Variants in CLCN4 observed in about 807,000 individuals in gnomAD.
CLCN4 encodes the protein H(+)/Cl(-) exchange transporter 4.
A neutral mutation model predicts 41.7 loss-of-function variants in CLCN4; 1 was observed. That is an observed-to-expected ratio of 0.02 (90% CI 0.01 to 0.11). The LOEUF (loss-of-function observed/expected upper bound fraction) is 0.11, where lower values mean the gene tolerates loss of function less well. Among genes scored for constraint, CLCN4 ranks in the 10% least tolerant of loss-of-function variants. The pLI, the probability that CLCN4 is intolerant of heterozygous loss-of-function variation, is 1.00. For missense variants in CLCN4, 287 were observed against 661.0 expected, an observed-to-expected ratio of 0.43 and a Z score of 6.20; for synonymous variants, 277 against 285.8, an observed-to-expected ratio of 0.97 and a Z score of 0.31.
intron 4 of CLCN4, among the ~76,000 whole-genome samples, chrX:10,193,660 G>A (rs978471561): frequency 8.9e-6 from 1 of 112,250 alleles, no homozygotes; most frequent in Non-Finnish European, 1.9e-5. Context: ...AATATTTTCA[G>A]GTTTGTGGCC....
intron 2 of CLCN4, among the ~76,000 whole-genome samples, chrX:10,179,643 A>C (rs1923622076): frequency 9.0e-6 from 1 of 111,591 alleles, no homozygotes; most frequent in Non-Finnish European, 1.9e-5. Flanking sequence ...TATCAGTTAC[A>C]GAAAGCAGAG....
intron 12 of CLCN4, among the ~76,000 whole-genome samples, chrX:10,229,469 T>C (rs1436529372): frequency 9.1e-6 from 1 of 109,634 alleles, no homozygotes; most frequent in Non-Finnish European, 1.9e-5. Flanking sequence ...TATGTATACA[T>C]GTGCCATGTT....
Position 10,208,524 on chromosome X carries a change from C to T in CLCN4, c.1323C>T (p.Ala441=), listed in dbSNP as rs1924455725. 2 of 1,209,209 alleles carry T rather than the reference C, an allele frequency of 1.7e-6. No homozygotes were observed. Among genetic ancestry groups the T allele is most frequent in the African/African-American group, 1.8e-5 (1 of 56,976 alleles). ...DRPAGVGVYT[A]MWQLALALIF... is the part of the protein sequence containing the mutation. The stretch of plus-strand genomic sequence containing the variant: ...CGGCTGGTGTCGGTGTTTACACGGC[C>T]ATGTGGCAGCTGGCCCTGGCACTGA... Residue 441 remains alanine (A), a synonymous_variant, in exon 9 of 13, where the codon GCC becomes GCT. Coordinates refer to ENST00000380833, the MANE Select transcript of CLCN4 (RefSeq NM_001830.4).
intron 12 of CLCN4, among the ~76,000 whole-genome samples, chrX:10,226,751 A>G (rs907160247): frequency 6.3e-5 from 7 of 111,746 alleles, no homozygotes; most frequent in African/African-American, 2.0e-4. Flanking sequence ...ACAAACAACC[A>G]TCAGAGAATA....
chrX:10,180,398 G>A (rs898561359), intron 2 of CLCN4, among the ~76,000 whole-genome samples: 3 of 111,327 alleles, frequency 2.7e-5, no homozygotes, highest in Non-Finnish European at 5.6e-5. Flanking sequence ...GCTGAGCCAC[G>A]CAAGGTGATA....
chrX:10,207,146 C>T (rs1375824479), intron 8 of CLCN4, among the ~76,000 whole-genome samples: 1 of 111,564 alleles, frequency 9.0e-6, no homozygotes, highest in African/African-American at 3.3e-5. Flanking sequence ...GTCTTGAACT[C>T]CTGACCTCAG....
At chrX:10,214,180 A>G (rs1392854176) in intron 11 of CLCN4, 101 bp downstream of exon 11, 1 of 895,702 alleles carries the variant, frequency 1.1e-6, no homozygotes, top group African/African-American at 2.0e-5. Context: ...GCATTAAGCC[A>G]GGGGCTCTCA....
chrX:10,164,033 C>T (rs1261919318), intron 2 of CLCN4, among the ~76,000 whole-genome samples: 2 of 112,692 alleles, frequency 1.8e-5, no homozygotes, highest in African/African-American at 6.5e-5. Context: ...CCTGCCCTCA[C>T]GGGACTGATT....
At chrX:10,207,924 G>T (rs780550947) in intron 8 of CLCN4, 121 bp from the exon 9 acceptor site, 63 of 587,676 alleles carry the variant, frequency 1.1e-4, no homozygotes, top group Non-Finnish European at 1.7e-4. Flanking sequence ...TTAAGTCCAG[G>T]CTCATGGAAT....
chrX:10,172,344 G>A (rs1923403643), intron 2 of CLCN4, among the ~76,000 whole-genome samples: 1 of 111,809 alleles, frequency 8.9e-6, no homozygotes, highest in African/African-American at 3.3e-5. Flanking sequence ...ACCTTCTGTG[G>A]GTCTCAAAAC....
chrX:10,205,013 G>A (rs1602155345), intron 6 of CLCN4, among the ~76,000 whole-genome samples: 2 of 111,019 alleles, frequency 1.8e-5, no homozygotes, highest in African/African-American at 3.3e-5. Context: ...AGCCTGGGCT[G>A]GGGGGTTAGC....
At chrX:10,191,242 A>G (rs367787941) in intron 4 of CLCN4, among the ~76,000 whole-genome samples, 21 of 112,100 alleles carry the variant, frequency 1.9e-4, no homozygotes, top group African/African-American at 6.2e-4. Flanking sequence ...TTCTGTCTCT[A>G]TGGATTTGCC....
intron 2 of CLCN4, among the ~76,000 whole-genome samples, chrX:10,173,485 G>T (rs1231600062): frequency 2.7e-5 from 3 of 111,053 alleles, no homozygotes; most frequent in African/African-American, 9.8e-5. Flanking sequence ...GCTGGGAACC[G>T]TGGGGTTCCC....
chrX:10,224,577 T>C (rs758670614), intron 12 of CLCN4, among the ~76,000 whole-genome samples: 49 of 110,497 alleles, frequency 4.4e-4, no homozygotes, highest in Admixed American at 1.8e-3. Context: ...GACTGTTCTG[T>C]TTTTTCTTTT....
chrX:10,172,801 T>C (rs1398392203), intron 2 of CLCN4, among the ~76,000 whole-genome samples: 2 of 112,032 alleles, frequency 1.8e-5, no homozygotes, highest in Non-Finnish European at 3.8e-5. Flanking sequence ...GATAAACAAA[T>C]GTTTGCTATA....
At chrX:10,194,780 T>C (rs887058887) in intron 4 of CLCN4, 131 bp from the exon 5 acceptor site, 1 of 572,071 alleles carries the variant, frequency 1.7e-6, no homozygotes, top group Admixed American at 2.9e-5. Flanking sequence ...GACAGCCCCA[T>C]TGCAAGTTTA....
At chrX:10,182,763 C>G (rs1923717117) in intron 2 of CLCN4, among the ~76,000 whole-genome samples, 1 of 112,382 alleles carries the variant, frequency 8.9e-6, no homozygotes, top group African/African-American at 3.2e-5. Flanking sequence ...ACAATAGACA[C>G]CAACACCTCC....
intron 9 of CLCN4, among the ~76,000 whole-genome samples, chrX:10,211,223 G>T (rs1924539080): frequency 1.2e-5 from 1 of 83,911 alleles, no homozygotes; most frequent in African/African-American, 4.7e-5. Context: ...CTGAGATCAC[G>T]CCACTGCACA....
chrX:10,185,244 C>T, intron 3 of CLCN4, 68 bp downstream of exon 3: 1 of 1,108,543 alleles, frequency 9.0e-7, no homozygotes, highest in Non-Finnish European at 1.2e-6. Flanking sequence ...AGTTACTGAG[C>T]TGGGGCTTAG....
Sources: allele counts gnomAD v4.1 joint callset (sites outside exome capture counted in the v4.1 genomes callset), GRCh38; gene constraint gnomAD v4.1.1; transcripts MANE v1.5; gene names NCBI Gene and HGNC (gene_info 2026-07-23, HGNC 2026-07-21).